Variants in CYTIP observed in about 807,000 individuals in gnomAD.
CYTIP encodes the protein cytohesin-interacting protein.
In CYTIP, 26 loss-of-function variants were observed where a neutral mutation model predicts 43.8. The ratio of observed to expected loss-of-function variants is 0.59; its 90% CI spans 0.44 to 0.82. CYTIP has a LOEUF of 0.82. Among genes scored for constraint, CYTIP ranks in the 40% least tolerant of loss-of-function variants. CYTIP has a pLI of 0.00. For missense variants in CYTIP, 426 were observed against 443.1 expected (o/e 0.96, Z 0.35); for synonymous variants, 162 against 162.9 (o/e 0.99, Z 0.04).
In CYTIP at chr2:157,426,883, A is replaced by G. The variant is rs533691288; in HGVS notation, c.546+468T>C. Among the ~76,000 whole-genome samples, 14 of 152,330 alleles carry G rather than the reference A, an allele frequency of 9.2e-5. 1 individual carries two copies. In the South Asian group the frequency reaches 2.9e-3, roughly 32 times the overall value. On this transcript the variant is annotated intron_variant, in intron 6 of 7. Transcript: ENST00000264192. Reference sequence around the variant, plus strand: ...TTTGAATTTGCTAGTGTATTTGCCAATGAAAGCAGATTCAAGGACAGTCAC... The same window carrying G: ...TTTGAATTTGCTAGTGTATTTGCCAGTGAAAGCAGATTCAAGGACAGTCAC...
intron 6 of CYTIP, among the ~76,000 whole-genome samples, chr2:157,418,961 C>G (rs1006199371): frequency 6.6e-6 from 1 of 152,132 alleles, no homozygotes; most frequent in African/African-American, 2.4e-5. Context: ...AATAATAGAG[C>G]CTAAACCCCA....
chr2:157,437,012 G>T (rs1409820099), intron 1 of CYTIP, among the ~76,000 whole-genome samples: 1 of 152,102 alleles, frequency 6.6e-6, no homozygotes, highest in Non-Finnish European at 1.5e-5. Context: ...TCCATATGCA[G>T]AAGAAAGAAA....
At chr2:157,443,630 T>C (rs1204723044) in intron 1 of CYTIP, among the ~76,000 whole-genome samples, 1 of 152,160 alleles carries the variant, frequency 6.6e-6, no homozygotes, top group Non-Finnish European at 1.5e-5. Flanking sequence ...AGAAAAACAA[T>C]CTTAATTTTT....
chr2:157,434,569 T>C (rs959416849), intron 2 of CYTIP, 129 bp downstream of exon 2: 32 of 869,830 alleles, frequency 3.7e-5, no homozygotes, highest in Middle Eastern at 3.3e-4. Context: ...TGTGTGTGTC[T>C]GTGTGTGTGC....
intron 3 of CYTIP, among the ~76,000 whole-genome samples, chr2:157,432,762 T>G (rs977804240): frequency 2.0e-5 from 3 of 152,182 alleles, no homozygotes; most frequent in South Asian, 4.1e-4. Context: ...GTACATGAGG[T>G]TCTATCTGAT....
At chr2:157,440,497 T>G (rs1486510484) in intron 1 of CYTIP, among the ~76,000 whole-genome samples, 1 of 152,202 alleles carries the variant, frequency 6.6e-6, no homozygotes, top group African/African-American at 2.4e-5. Context: ...AAAATTGTCA[T>G]GAGGTGATTA....
At chr2:157,433,848 A>G (rs1685751375) in intron 3 of CYTIP, among the ~76,000 whole-genome samples, 1 of 152,186 alleles carries the variant, frequency 6.6e-6, no homozygotes. Context: ...ATTAGGAAAA[A>G]AAGCTACAAA....
In CYTIP at chr2:157,434,837, TCTCTCTCTCTCTCACACACACACA is replaced by T. The variant is rs1464848228; in HGVS notation, c.175-114_175-91del. On this transcript the variant is annotated intron_variant, in intron 1 of 7. Transcript: ENST00000264192. ...ATCTCTCTCTCTCTCTCTCTCTCTC[TCTCTCTCTCTCTCACACACACACA>T]CACACACACACACACACACACACAC... The T allele has an allele frequency of 5.2e-5, 25 of 477,200 alleles. No homozygotes were observed. In the East Asian group the frequency reaches 6.4e-4, roughly 12 times the overall value. The allele number at this position is 477,200 out of a possible 1,614,324, so 29.6% of individuals were successfully genotyped here.
Position 157,434,837 on chromosome 2 carries a change from TCTCTCTCTCTCTCA to T in CYTIP, c.175-104_175-91del, listed in dbSNP as rs1423377511. 116 of 477,176 alleles carry T rather than the reference TCTCTCTCTCTCTCA, an allele frequency of 2.4e-4. No individual in the cohort carries two copies. The African/African-American group carries it at 2.7e-3, about 11-fold the overall frequency. 29.6% of individuals were successfully genotyped at this position (477,176 alleles called of 1,614,324 possible). A position where few individuals can be genotyped will look rare whatever the true frequency, so the allele number is the denominator to read the frequency against. On this transcript the variant is annotated intron_variant, in intron 1 of 7. Transcript: ENST00000264192. ...ATCTCTCTCTCTCTCTCTCTCTCTC[TCTCTCTCTCTCTCA>T]CACACACACACACACACACACACAC...
chr2:157,442,496 C>T (rs987265212), intron 1 of CYTIP, among the ~76,000 whole-genome samples: 1 of 151,644 alleles, frequency 6.6e-6, no homozygotes, highest in Non-Finnish European at 1.5e-5. Flanking sequence ...AAAATCATAG[C>T]CTAATCAAGT....
Position 157,418,433 on chromosome 2 carries a change from T to G in CYTIP, c.613+90A>C, listed in dbSNP as rs780965231. The G allele has an allele frequency of 1.4e-4, 186 of 1,337,758 alleles. 1 individual carries two copies. The highest frequency in any genetic ancestry group is 3.9e-4 in the Admixed American group (17 of 43,446). The allele number at this position is 1,337,758 out of a possible 1,614,324, so 82.9% of individuals were successfully genotyped here. A position where few individuals can be genotyped will look rare whatever the true frequency, so the allele number is the denominator to read the frequency against. On this transcript the variant is annotated intron_variant, in intron 7 of 7. Transcript: ENST00000264192. The stretch of plus-strand genomic sequence containing the variant: ...TGACCAGCACTAGACAAATTTTTCT[T>G]ATAATGATGATAATCTTAAACCAAC...
At chr2:157,427,286 T>A (rs1300524301) in intron 6 of CYTIP, 65 bp downstream of exon 6, 1 of 1,344,012 alleles carries the variant, frequency 7.4e-7, no homozygotes, top group African/African-American at 1.5e-5. Context: ...CTCAAATAGA[T>A]CTTTATTTTA....
At position 157,430,957 on chromosome 2, in the gene CYTIP, G is replaced by T. The variant is rs776261290; in HGVS notation, c.285C>A (p.Tyr95Ter). The T allele has an allele frequency of 6.2e-7, 1 of 1,604,862 alleles. No individual in the cohort carries two copies. Among genetic ancestry groups the T allele is most frequent in the South Asian group, 1.1e-5 (1 of 89,134 alleles). Residue 95 changes from tyrosine to a stop codon, truncating the protein, a stop_gained, in exon 4 of 8, where the codon TAC (tyrosine) becomes TAA (stop). Transcript: ENST00000264192. LOFTEE classifies it high-confidence loss of function. The part of the protein sequence containing the change: ...NETFGFEIQS[Y>*]RPQNQNACSS... ...AGCAGGCATTCTGATTCTGGGGCCT[G>T]TAAGACTGTAAAAATTAAGATGATA... is the stretch of plus-strand genomic sequence containing the variant.
chr2:157,424,979 G>C (rs1317916366), intron 6 of CYTIP, among the ~76,000 whole-genome samples: 1 of 151,846 alleles, frequency 6.6e-6, no homozygotes, highest in Non-Finnish European at 1.5e-5. Flanking sequence ...TGGAAGAACT[G>C]GTTATTCATA....
chr2:157,416,463 CA>C (rs1248997003), intron 7 of CYTIP, among the ~76,000 whole-genome samples: 1 of 152,110 alleles, frequency 6.6e-6, no homozygotes, highest in Admixed American at 6.6e-5. Flanking sequence ...TCTGAACCTC[CA>C]AAATGATCAT....
rs143856431 is a variant in CYTIP, at chr2:157,432,468, T to C, written c.280-1506A>G. ...CCTTTCTCATGCCCAGTGACATTCA[T>C]TCTAACACCTGTCATTTGTGGATCT... On this transcript the variant is annotated intron_variant, in intron 3 of 7. Transcript: ENST00000264192. Among the ~76,000 whole-genome samples the C allele has an allele frequency of 1.5e-3, 235 of 152,330 alleles. 1 individual carries two copies. Among genetic ancestry groups the C allele is most frequent in the Middle Eastern group, 6.8e-3 (2 of 294 alleles).
chr2:157,435,371 CT>C (rs1017012185), intron 1 of CYTIP, among the ~76,000 whole-genome samples: 8 of 152,270 alleles, frequency 5.3e-5, no homozygotes, highest in African/African-American at 1.9e-4. Context: ...AACTCAAAAC[CT>C]CATTTCTGCT....
intron 1 of CYTIP, among the ~76,000 whole-genome samples, chr2:157,442,730 C>T (rs930265078): frequency 1.3e-5 from 2 of 152,132 alleles, no homozygotes; most frequent in African/African-American, 2.4e-5. Context: ...CCCTTATCTT[C>T]ACTCCGAAAA....
chr2:157,437,474 G>A (rs962500788), intron 1 of CYTIP, among the ~76,000 whole-genome samples: 13 of 152,030 alleles, frequency 8.6e-5, no homozygotes, highest in Non-Finnish European at 1.6e-4. Flanking sequence ...GCCAAGGAGG[G>A]TGGATCAACT....
Sources: gnomAD v4.1 joint callset for allele counts (sites outside exome capture counted in the v4.1 genomes callset) on GRCh38, gnomAD v4.1.1 for gene constraint, MANE v1.5 for transcripts, NCBI Gene and HGNC (gene_info 2026-07-23, HGNC 2026-07-21) for gene names.